Variants in SCAF4 observed in about 807,000 individuals in gnomAD.
The protein encoded by SCAF4 is SR-related and CTD-associated factor 4.
A neutral mutation model predicts 129.8 loss-of-function variants in SCAF4; 25 were observed. The ratio of observed to expected loss-of-function variants is 0.19; its 90% CI spans 0.14 to 0.27. The LOEUF (loss-of-function observed/expected upper bound fraction) is 0.27, where lower values mean the gene tolerates loss of function less well. Ranked by LOEUF, SCAF4 falls within the 10% of genes least tolerant of loss-of-function variation. SCAF4 has a pLI of 1.00. For synonymous variants in SCAF4, 551 were observed against 497.7 expected, an observed-to-expected ratio of 1.11 and a Z score of -1.43; for missense variants, 1,246 against 1,457.1, an observed-to-expected ratio of 0.86 and a Z score of 2.36.
At chr21:31,726,191 GCC>G in intron 1 of SCAF4, among the ~76,000 whole-genome samples, 1 of 151,770 alleles carries the variant, frequency 6.6e-6, no homozygotes, top group East Asian at 1.9e-4. Context: ...GATTACAGGC[GCC>G]CGCCACCACA....
chr21:31,724,871 T>C (rs2051162739), intron 1 of SCAF4, among the ~76,000 whole-genome samples: 1 of 152,218 alleles, frequency 6.6e-6, no homozygotes, highest in African/African-American at 2.4e-5. Flanking sequence ...TGTAATTTTT[T>C]CTGAAACAGA....
At chr21:31,726,139 G>A (rs1159477850) in intron 1 of SCAF4, among the ~76,000 whole-genome samples, 6 of 151,170 alleles carry the variant, frequency 4.0e-5, no homozygotes, top group Non-Finnish European at 7.4e-5. Flanking sequence ...TCCGCCTCCC[G>A]GGTTCACACC....
At chr21:31,689,749 T>G (rs1429361891) in intron 15 of SCAF4, among the ~76,000 whole-genome samples, 1 of 150,532 alleles carries the variant, frequency 6.6e-6, no homozygotes, top group African/African-American at 2.4e-5. Context: ...CCTAACATGG[T>G]GAAACCCCTT....
intron 1 of SCAF4, among the ~76,000 whole-genome samples, chr21:31,717,972 TCA>T (rs1411277216): frequency 1.3e-5 from 2 of 151,250 alleles, no homozygotes; most frequent in Admixed American, 6.6e-5. Context: ...AGATGGAGTT[TCA>T]CTCTCATTGC....
At chr21:31,720,888 C>T (rs1414112638) in intron 1 of SCAF4, among the ~76,000 whole-genome samples, 1 of 152,142 alleles carries the variant, frequency 6.6e-6, no homozygotes, top group African/African-American at 2.4e-5. Flanking sequence ...CATGCAGAGG[C>T]CGCTAGATAG....
chr21:31,687,405 T>C (rs1488282164), intron 16 of SCAF4, among the ~76,000 whole-genome samples: 5 of 151,946 alleles, frequency 3.3e-5, no homozygotes, highest in Non-Finnish European at 5.9e-5. Flanking sequence ...AATAGGAAAC[T>C]GAAGCTTATA....
chr21:31,703,626 A>G (rs1490165375), intron 4 of SCAF4, 139 bp downstream of exon 4: 3 of 485,764 alleles, frequency 6.2e-6, no homozygotes, highest in African/African-American at 5.7e-5. Flanking sequence ...ACTGAAGAAA[A>G]AAACTGTTTT....
Position 31,693,383 on chromosome 21 carries a change from C to A in SCAF4, c.1424G>T (p.Arg475Leu). 6.3e-7 allele frequency: 1 copy of A among 1,581,638 alleles called. No homozygotes were observed. Among genetic ancestry groups the A allele is most frequent in the Non-Finnish European group, 8.6e-7 (1 of 1,156,940 alleles). The change falls in exon 12 of 20, where the codon CGA (arginine) becomes CTA (leucine). Residue 475 changes from arginine to leucine, a missense_variant. Physicochemically the swap from Arg to Leu is moderately radical, Grantham distance 102. Coordinates refer to ENST00000286835, the MANE Select transcript of SCAF4 (RefSeq NM_020706.2). ...ATCCCGTCTTTCTTGAGATCGAGAT[C>A]GGGGAGAATGTCGGCGTCTATCCCT... ...RSRDRRRHSP[R>L]SRSQERRDRE...
intron 1 of SCAF4, among the ~76,000 whole-genome samples, chr21:31,727,130 G>C (rs772852249): frequency 2.0e-5 from 3 of 151,882 alleles, no homozygotes; most frequent in Non-Finnish European, 4.4e-5. Context: ...CCAAGCTGGA[G>C]TGCAGTGGCC....
At position 31,704,809 on chromosome 21, in the gene SCAF4, G is replaced by A. The variant is rs547368049; in HGVS notation, c.159+614C>T. Among the ~76,000 whole-genome samples, 28 of 152,140 alleles carry A rather than the reference G, an allele frequency of 1.8e-4. No individual in the cohort carries two copies. The South Asian group carries it at 4.4e-3, about 24-fold the overall frequency. ...ACTTTGATGTACTACTATGCAAAGC[G>A]TTTACTAACCATCTTTTTTGCCTGT... On this transcript the variant is annotated intron_variant, in intron 3 of 19. Coordinates refer to ENST00000286835, the MANE Select transcript of SCAF4 (RefSeq NM_020706.2).
intron 5 of SCAF4, 42 bp from the exon 6 acceptor site, chr21:31,701,960 C>A: frequency 1.3e-6 from 2 of 1,597,776 alleles, no homozygotes; most frequent in Non-Finnish European, 1.7e-6. Flanking sequence ...AAAAAGTTAA[C>A]CTACAAGTTT....
intron 16 of SCAF4, among the ~76,000 whole-genome samples, chr21:31,686,398 C>G (rs1344886588): frequency 6.6e-6 from 1 of 152,094 alleles, no homozygotes; most frequent in African/African-American, 2.4e-5. Flanking sequence ...GCAATTTACA[C>G]AATGGCTAAG....
At position 31,706,298 on chromosome 21, in the gene SCAF4, A is replaced by G. The variant is rs1182427337; in HGVS notation, c.90T>C (p.Thr30=). 1 of 1,604,466 alleles carries G rather than the reference A, an allele frequency of 6.2e-7. No individual in the cohort carries two copies. The highest frequency in any genetic ancestry group is 8.5e-7 in the Non-Finnish European group (1 of 1,172,708). ...CCTTAATAGCTTTAATAGCAGCTTT[A>G]GTGATGAGAATCATCTTGGCTCTAG... ...PISRAKMILI[T]KAAIKAIKLY... is the part of the protein sequence containing the mutation. Residue 30 remains threonine, a synonymous_variant, in exon 2 of 20, where the codon ACT becomes ACC. Transcript: ENST00000286835.
At chr21:31,706,432 T>C in intron 1 of SCAF4, 75 bp from the exon 2 acceptor site, 3 of 941,146 alleles carry the variant, frequency 3.2e-6, no homozygotes. Flanking sequence ...CCTACATATC[T>C]ACATCACCAC....
intron 1 of SCAF4, among the ~76,000 whole-genome samples, chr21:31,717,511 C>A (rs1350542863): frequency 1.3e-5 from 2 of 151,958 alleles, no homozygotes; most frequent in Non-Finnish European, 2.9e-5. Flanking sequence ...TAATTTGTAT[C>A]TGTCTGAGAT....
At chr21:31,691,001 T>TG in intron 14 of SCAF4, 48 bp from the exon 15 acceptor site, 1 of 1,523,840 alleles carries the variant, frequency 6.6e-7, no homozygotes, top group Non-Finnish European at 9.0e-7. Context: ...AGCAAGGTCG[T>TG]AAGTCTTGAG....
chr21:31,674,026 A>C (rs1205583513), intron 19 of SCAF4, among the ~76,000 whole-genome samples: 3 of 152,208 alleles, frequency 2.0e-5, no homozygotes, highest in African/African-American at 7.2e-5. Flanking sequence ...TAACAAGAGA[A>C]TTTAGTTGAG....
At chr21:31,700,690 A>G (rs906538933) in intron 7 of SCAF4, 4 of 363,048 alleles carry the variant, frequency 1.1e-5, no homozygotes, top group African/African-American at 8.5e-5. Flanking sequence ...GTAATCCCCA[A>G]GTATTGGGGT....
intron 7 of SCAF4, among the ~76,000 whole-genome samples, chr21:31,699,187 T>TA (rs977232894): frequency 6.6e-6 from 1 of 152,124 alleles, no homozygotes; most frequent in African/African-American, 2.4e-5. Flanking sequence ...ATTTAGTGTA[T>TA]AAAAAAGTAG....
Sources: allele counts gnomAD v4.1 joint callset (sites outside exome capture counted in the v4.1 genomes callset), GRCh38; gene constraint gnomAD v4.1.1; transcripts MANE v1.5; gene names NCBI Gene and HGNC (gene_info 2026-07-23, HGNC 2026-07-21).